Variants in KAT6B observed in about 807,000 individuals in gnomAD.
The protein encoded by KAT6B is histone acetyltransferase KAT6B.
Under a neutral mutation model 187.5 loss-of-function variants are expected in KAT6B, and 10 were observed. That is an observed-to-expected ratio of 0.05 (90% CI 0.03 to 0.09). The LOEUF is 0.09. KAT6B is among the 10% of genes least tolerant of loss of function. KAT6B has a pLI of 1.00. For synonymous variants in KAT6B, 861 were observed against 926.8 expected, an observed-to-expected ratio of 0.93 and a Z score of 1.29; for missense variants, 1,952 against 2,558.9, an observed-to-expected ratio of 0.76 and a Z score of 5.12.
At position 75,029,781 on chromosome 10, in the gene KAT6B, C is replaced by G; in HGVS notation, c.4957C>G (p.Pro1653Ala). ...GGAAACCAGTCCCATGATGGATGTC[C>G]CATCAGTTTCAGATCATTCACAGCA... ...NMETSPMMDV[P>A]SVSDHSQQVV... Residue 1653 changes from proline (P) to alanine (A), a missense_variant, in exon 18 of 18, where the codon CCA becomes GCA. This residue lies in a region of KAT6B where 87 missense variants were observed against 167.5 expected (regional missense o/e 0.52). Coordinates refer to ENST00000287239, the MANE Select transcript of KAT6B (RefSeq NM_012330.4). The surrounding 1 kb of genome is among the most constrained non-coding windows in gnomAD (Gnocchi z 6.2). 6.2e-7 allele frequency: 1 copy of G among 1,614,190 alleles called. No homozygotes were observed. The highest frequency in any genetic ancestry group is 8.5e-7 in the Non-Finnish European group (1 of 1,180,044).
rs1480978686 is a variant in KAT6B, at chr10:74,981,851, A to G, written c.2296A>G (p.Arg766Gly). 3 of 1,598,520 alleles carry G rather than the reference A, an allele frequency of 1.9e-6. No individual in the cohort carries two copies. The highest frequency in any genetic ancestry group is 1.7e-5 in the Admixed American group (1 of 59,986). Residue 766 changes from arginine to glycine, a missense_variant, in exon 11 of 18, where the codon AGA becomes GGA. Coordinates refer to ENST00000287239, the MANE Select transcript of KAT6B (RefSeq NM_012330.4). ...KYMKSKNILL[R>G]HSKKCGWFHP... ...TATGAAAAGTAAAAATATTTTGCTA[A>G]GACACTCCAAGAAGTGTGGATGGTT...
At chr10:74,837,938 G>T (rs1285944854) in intron 1 of KAT6B, among the ~76,000 whole-genome samples, 1 of 151,846 alleles carries the variant, frequency 6.6e-6, no homozygotes, top group Non-Finnish European at 1.5e-5. Flanking sequence ...CTGTTGGTTG[G>T]TGTCAGATGA....
chr10:75,028,412 G>A (rs1393699231), intron 17 of KAT6B, 77 bp from the exon 18 acceptor site: 3 of 1,603,178 alleles, frequency 1.9e-6, no homozygotes, highest in Non-Finnish European at 2.6e-6. Flanking sequence ...TTAATTTAGA[G>A]GAATGAATTC....
chr10:75,030,898 T>G lies in KAT6B; in HGVS notation c.6074T>G (p.Met2025Arg). The G allele has an allele frequency of 6.2e-7, 1 of 1,613,984 alleles. No homozygotes were observed. The highest frequency in any genetic ancestry group is 8.5e-7 in the Non-Finnish European group (1 of 1,180,022). ...QTPQYPMQMQ[M>R]GMMGTQPYAQ... ...CCCCAATACCCTATGCAGATGCAGA[T>G]GGGCATGATGGGCACCCAGCCATAT... The change falls in exon 18 of 18, where the codon ATG becomes AGG. Residue 2025 changes from methionine to arginine, a missense_variant. Physicochemically the swap from Met to Arg is moderately conservative, Grantham distance 91 (BLOSUM62 -1). Around this residue, in one of 9 missense-constraint regions of KAT6B, gnomAD observed 358 missense variants for 436.3 expected, o/e 0.82. Coordinates refer to ENST00000287239, the MANE Select transcript of KAT6B (RefSeq NM_012330.4). This position sits in a 1 kb window ranked among gnomAD's most constrained non-coding sequence, Gnocchi z 4.8.
chr10:74,979,266 C>G lies in KAT6B; in HGVS notation c.2158C>G (p.Pro720Ala). 6.2e-7 allele frequency: 1 copy of G among 1,613,772 alleles called. No homozygotes were observed. Among genetic ancestry groups the G allele is most frequent in the Non-Finnish European group, 8.5e-7 (1 of 1,179,856 alleles). Reference sequence around the variant, plus strand: ...TGGGGTGGAAGACTGTGGCCGGTACCCTTCTGTGATTGAATTTGGTAAATA... The same window carrying G: ...TGGGGTGGAAGACTGTGGCCGGTACGCTTCTGTGATTGAATTTGGTAAATA... ...ESGVEDCGRY[P>A]SVIEFGKYEI... The change falls in exon 10 of 18, where the codon CCT becomes GCT. Residue 720 changes from proline (P) to alanine (A), a missense_variant. By Grantham distance (27) the Pro-to-Ala change is conservative. This residue lies in a region of KAT6B where 87 missense variants were observed against 191.8 expected (regional missense o/e 0.45). Coordinates refer to ENST00000287239, the MANE Select transcript of KAT6B (RefSeq NM_012330.4).
chr10:74,831,239 T>C (rs1473731280), intron 1 of KAT6B, among the ~76,000 whole-genome samples: 1 of 152,180 alleles, frequency 6.6e-6, no homozygotes, highest in Non-Finnish European at 1.5e-5. Context: ...TCCTTTGTCA[T>C]GTGTGTGTGT....
chr10:74,912,375 G>GGACAGATAGATA (rs1554825628), intron 3 of KAT6B, among the ~76,000 whole-genome samples: 1 of 145,526 alleles, frequency 6.9e-6, no homozygotes, highest in Admixed American at 6.9e-5. Context: ...ATGGATGGAT[G>GGACAGATAGATA]GATAGATAGA....
intron 1 of KAT6B, among the ~76,000 whole-genome samples, chr10:74,837,105 A>G (rs1225132612): frequency 1.3e-5 from 2 of 152,224 alleles, no homozygotes; most frequent in Non-Finnish European, 2.9e-5. Flanking sequence ...CTTATGATCC[A>G]GGATATTTTG....
intron 3 of KAT6B, among the ~76,000 whole-genome samples, chr10:74,926,362 G>A (rs1277655778): frequency 6.6e-6 from 1 of 152,002 alleles, no homozygotes; most frequent in African/African-American, 2.4e-5. Context: ...GCTGAGGCAG[G>A]ATAATCACTT....
chr10:75,012,822 C>G (rs1044179811), intron 13 of KAT6B, among the ~76,000 whole-genome samples: 6 of 152,188 alleles, frequency 3.9e-5, no homozygotes, highest in Non-Finnish European at 1.5e-5. Context: ...GACACAGGCA[C>G]ACCACACGGC....
chr10:75,002,707 A>G (rs1287552512), intron 13 of KAT6B, among the ~76,000 whole-genome samples: 1 of 152,210 alleles, frequency 6.6e-6, no homozygotes, highest in African/African-American at 2.4e-5. Flanking sequence ...ATATCTAAAT[A>G]TAGAAAAGGT....
chr10:74,842,502 G>A (rs932897487), intron 2 of KAT6B, 98 bp from the exon 3 acceptor site: 64 of 521,794 alleles, frequency 1.2e-4, no homozygotes, highest in Middle Eastern at 9.8e-4. Context: ...TACTTCTTGT[G>A]GTCATTCTGT....
chr10:74,973,551 C>A (rs1013670314), intron 7 of KAT6B, among the ~76,000 whole-genome samples: 5 of 152,178 alleles, frequency 3.3e-5, no homozygotes, highest in African/African-American at 1.2e-4. Flanking sequence ...ATCTCACTCC[C>A]TTGCTTACTC....
chr10:75,017,529 G>A (rs747495402), intron 13 of KAT6B, among the ~76,000 whole-genome samples: 14 of 152,062 alleles, frequency 9.2e-5, no homozygotes, highest in Admixed American at 4.6e-4. Context: ...AAGGAGAATC[G>A]CTTGAGCCTG....
intron 3 of KAT6B, among the ~76,000 whole-genome samples, chr10:74,848,099 A>G (rs2132130168): frequency 6.6e-6 from 1 of 151,678 alleles, no homozygotes; most frequent in South Asian, 2.1e-4. Flanking sequence ...TTGCATTTTC[A>G]GTAGAGACGG....
At chr10:74,909,439 G>A (rs767196263) in intron 3 of KAT6B, among the ~76,000 whole-genome samples, 1 of 152,222 alleles carries the variant, frequency 6.6e-6, no homozygotes, top group South Asian at 2.1e-4. Context: ...GTTTACCCTT[G>A]TGTATACAGA....
chr10:74,914,214 A>G (rs1386822075), intron 3 of KAT6B, among the ~76,000 whole-genome samples: 5 of 151,876 alleles, frequency 3.3e-5, no homozygotes, highest in South Asian at 2.1e-4. Flanking sequence ...AAAAAAAAGT[A>G]TTACTTATTT....
intron 3 of KAT6B, among the ~76,000 whole-genome samples, chr10:74,855,662 T>C (rs1842769625): frequency 6.6e-6 from 1 of 152,132 alleles, no homozygotes; most frequent in Admixed American, 6.5e-5. Context: ...CCTGGCAGTG[T>C]GTGAGCAGAC....
intron 3 of KAT6B, among the ~76,000 whole-genome samples, chr10:74,896,270 T>A (rs1845979634): frequency 1.3e-5 from 2 of 152,128 alleles, no homozygotes; most frequent in African/African-American, 4.8e-5. Context: ...TCCATAATAT[T>A]TGTGTACTTT....
Sources: allele counts gnomAD v4.1 joint callset (sites outside exome capture counted in the v4.1 genomes callset), GRCh38; gene constraint gnomAD v4.1.1; regional missense constraint gnomAD v4.1.1; non-coding constraint Gnocchi (gnomAD v3.1); transcripts MANE v1.5; gene names NCBI Gene and HGNC (gene_info 2026-07-23, HGNC 2026-07-21).